MRC2: variants seen among roughly 807,000 people sequenced by gnomAD.
The protein encoded by MRC2 is C-type mannose receptor 2.
In MRC2, 84 loss-of-function variants were observed where a neutral mutation model predicts 206.2. The observed-to-expected ratio is 0.41, with a 90% CI of 0.34 to 0.49. MRC2 has a LOEUF of 0.49. Among genes scored for constraint, MRC2 ranks in the 20% least tolerant of loss-of-function variants. MRC2 has a pLI of 0.31. For synonymous variants in MRC2, 798 were observed against 800.0 expected, an observed-to-expected ratio of 1.00 and a Z score of 0.04; for missense variants, 1,676 against 2,001.5, an observed-to-expected ratio of 0.84 and a Z score of 3.10.
At chr17:62,686,180 G>A (rs576721969) in intron 20 of MRC2, among the ~76,000 whole-genome samples, 208 of 152,248 alleles carry the variant, frequency 1.4e-3, no homozygotes, top group African/African-American at 4.8e-3. Flanking sequence ...TTGGCTGGGC[G>A]CGGTGGCTCA....
At position 62,680,085 on chromosome 17, in the gene MRC2, A is replaced by G; in HGVS notation, c.2299-85A>G. 6.3e-7 allele frequency: 1 copy of G among 1,586,124 alleles called. No homozygotes were observed. Among genetic ancestry groups the G allele is most frequent in the Non-Finnish European group, 8.6e-7 (1 of 1,162,580 alleles). On this transcript the variant is annotated intron_variant, in intron 14 of 29. Transcript: ENST00000303375. The surrounding 1 kb of genome is among the most constrained non-coding windows in gnomAD (Gnocchi z 4.8). ...CCGGTGAGAATTCGCAGCTCAGGCC[A>G]GGCCTCTTGTTCACCTGTTCCGGGC...
At chr17:62,677,117 C>A in intron 11 of MRC2, 152 bp from the exon 12 acceptor site, 1 of 637,376 alleles carries the variant, frequency 1.6e-6, no homozygotes, top group Non-Finnish European at 2.7e-6. Flanking sequence ...TCCCTTCCTC[C>A]CTCCTGGCTC....
intron 1 of MRC2, among the ~76,000 whole-genome samples, chr17:62,646,023 ATTT>A (rs34679697): frequency 2.8e-5 from 3 of 106,386 alleles, no homozygotes; most frequent in African/African-American, 3.6e-5. Flanking sequence ...GTCCTTTTCT[ATTT>A]TTTTTTTTTT....
chr17:62,639,673 G>A (rs1260389224), intron 1 of MRC2, among the ~76,000 whole-genome samples: 1 of 152,204 alleles, frequency 6.6e-6, no homozygotes, highest in African/African-American at 2.4e-5. Context: ...TGCCCGGGCT[G>A]GAGTGCAGTG....
At chr17:62,679,570 G>A in intron 13 of MRC2, 1 of 383,382 alleles carries the variant, frequency 2.6e-6, no homozygotes, top group Admixed American at 4.2e-5. Context: ...AGGGGCCACT[G>A]CCCCTTGAGT....
At chr17:62,647,854 T>A (rs1160083706) in intron 1 of MRC2, among the ~76,000 whole-genome samples, 1 of 152,146 alleles carries the variant, frequency 6.6e-6, no homozygotes, top group Non-Finnish European at 1.5e-5. Context: ...TGAGGTGAGA[T>A]CTTCCCATCC....
Position 62,675,360 on chromosome 17 carries a change from G to A in MRC2, c.1570-430G>A, listed in dbSNP as rs893463114. On this transcript the variant is annotated intron_variant, in intron 9 of 29. Transcript: ENST00000303375. The surrounding 1 kb of genome is among the most constrained non-coding windows in gnomAD (Gnocchi z 4.1). ...CCCCGGGCCAGGAGCATCCTGCGCC[G>A]ACTCCAGCTTTGCCAGGCCCTCGAG... Among the ~76,000 whole-genome samples the A allele has an allele frequency of 9.2e-5, 14 of 152,286 alleles. No individual in the cohort carries two copies. The highest frequency in any genetic ancestry group is 3.9e-4 in the Admixed American group (6 of 15,302).
At position 62,679,841 on chromosome 17, in the gene MRC2, TC is replaced by T; in HGVS notation, c.2238del (p.Ile746MetfsTer3). On this transcript the variant is annotated frameshift_variant, in exon 14 of 30. Coordinates refer to ENST00000303375, the MANE Select transcript of MRC2 (RefSeq NM_006039.5). LOFTEE classifies it high-confidence loss of function. ...ATCCACGAGCAGCACTGGTTCTGGA[TC>T]GGCCTGAACCGTCGGGATCCCAGAG... ...PEIHEQHWFW[I>X]GLNRRDPRGG... 6.2e-7 allele frequency: 1 copy of T among 1,613,944 alleles called. No homozygotes were observed. Among genetic ancestry groups the T allele is most frequent in the Non-Finnish European group, 8.5e-7 (1 of 1,180,004 alleles).
intron 1 of MRC2, among the ~76,000 whole-genome samples, chr17:62,628,667 C>T (rs2084190676): frequency 6.6e-6 from 1 of 152,166 alleles, no homozygotes; most frequent in Non-Finnish European, 1.5e-5. Flanking sequence ...TAAAACCCAA[C>T]GAACAGGAAA....
chr17:62,644,781 G>T (rs137943465), intron 1 of MRC2, among the ~76,000 whole-genome samples: 2 of 152,224 alleles, frequency 1.3e-5, no homozygotes, highest in East Asian at 3.9e-4. Flanking sequence ...TGAGGGCATA[G>T]GATTCCTCCA....
chr17:62,680,587 C>A lies in MRC2; in HGVS notation c.2473+134C>A. The A allele has an allele frequency of 2.9e-6, 4 of 1,371,668 alleles. No individual in the cohort carries two copies. Among genetic ancestry groups the A allele is most frequent in the South Asian group, 1.3e-5 (1 of 76,602 alleles). The allele number at this position is 1,371,668 out of a possible 1,614,324, so 85.0% of individuals were successfully genotyped here. ...CGAGAGAAGGGGGACGGGGTTGGCT[C>A]GGACGGAGGCAGCCACAGCCCTGTT... On this transcript the variant is annotated intron_variant, in intron 16 of 29. Coordinates refer to ENST00000303375, the MANE Select transcript of MRC2 (RefSeq NM_006039.5). This position sits in a 1 kb window ranked among gnomAD's most constrained non-coding sequence, Gnocchi z 4.8.
At chr17:62,638,036 T>C (rs2088347273) in intron 1 of MRC2, among the ~76,000 whole-genome samples, 1 of 152,148 alleles carries the variant, frequency 6.6e-6, no homozygotes, top group Admixed American at 6.6e-5. Flanking sequence ...TTGTTGCTCC[T>C]ATTTTTAGTA....
rs2088886841 is a variant in MRC2 at position 62,675,935 on chromosome 17, C to T, written c.1685+30C>T. On this transcript the variant is annotated intron_variant, in intron 10 of 29. Coordinates refer to ENST00000303375, the MANE Select transcript of MRC2 (RefSeq NM_006039.5). The surrounding 1 kb of genome is among the most constrained non-coding windows in gnomAD (Gnocchi z 4.1). ...AGCAGGGGCGGGTGCCCTGACTAGCCCTTGCCCATGTCTGGGCCTATTGTG... is the reference window on the plus strand; with the variant it reads ...AGCAGGGGCGGGTGCCCTGACTAGCTCTTGCCCATGTCTGGGCCTATTGTG... 2 of 1,582,408 alleles carry T rather than the reference C, an allele frequency of 1.3e-6. No individual in the cohort carries two copies. Among genetic ancestry groups the T allele is most frequent in the African/African-American group, 2.7e-5 (2 of 74,290 alleles).
rs776841690 is a variant in MRC2 at position 62,692,343 on chromosome 17, C to T, written c.4332C>T (p.Arg1444=). The change falls in exon 30 of 30, where the codon CGC becomes CGT. Residue 1444 remains arginine, a synonymous_variant. Transcript: ENST00000303375. The surrounding 1 kb of genome is among the most constrained non-coding windows in gnomAD (Gnocchi z 4.2). ...ILYRRRQSIE[R]GAFEGARYSR... is the part of the protein sequence containing the mutation. The stretch of plus-strand genomic sequence containing the variant: ...ACCGGAGGCGCCAGAGCATCGAGCG[C>T]GGGGCCTTTGAGGGTGCCCGCTACA... The T allele has an allele frequency of 1.2e-5, 19 of 1,575,656 alleles. No individual in the cohort carries two copies. Among genetic ancestry groups the T allele is most frequent in the Admixed American group, 7.5e-5 (4 of 53,388 alleles).
chr17:62,690,274 C>A lies in MRC2; in HGVS notation c.3861C>A (p.Gly1287=). The change falls in exon 26 of 30, where the codon GGC becomes GGA. Residue 1287 remains glycine (G), a synonymous_variant. Transcript: ENST00000303375. ...CYSFHMELLL[G]HKEARQRCQR... Reference sequence around the variant, plus strand: ...CTTTCCACATGGAGCTGCTGCTGGGCCACAAGGAGGCGCGACAGCGCTGCC... The same window carrying A: ...CTTTCCACATGGAGCTGCTGCTGGGACACAAGGAGGCGCGACAGCGCTGCC... The A allele has an allele frequency of 4.3e-6, 7 of 1,612,598 alleles. No individual in the cohort carries two copies. The highest frequency in any genetic ancestry group is 5.9e-6 in the Non-Finnish European group (7 of 1,179,198).
chr17:62,688,658 C>A lies in MRC2; in HGVS notation c.3219C>A (p.Asn1073Lys). Reference sequence around the variant, plus strand: ...GCCCTAGCCCTGCTCCCAGTGGCAACAAACCGGTGAGGATGCCCTCCCTGT... The same window carrying A: ...GCCCTAGCCCTGCTCCCAGTGGCAAAAAACCGGTGAGGATGCCCTCCCTGT... Reference protein sequence around the residue: ...PSGPSPAPSGNKPTSCAVVLH... With the variant: ...PSGPSPAPSGKKPTSCAVVLH... Residue 1073 changes from asparagine to lysine, a missense_variant, in exon 22 of 30, where the codon AAC becomes AAA. Physicochemically the swap from Asn to Lys is moderately conservative, Grantham distance 94 (BLOSUM62 0). Around this residue, in one of 3 missense-constraint regions of MRC2, gnomAD observed 1,354 missense variants for 1,636.6 expected, o/e 0.83. Transcript: ENST00000303375. The A allele has an allele frequency of 1.2e-6, 2 of 1,613,684 alleles. No homozygotes were observed. The highest frequency in any genetic ancestry group is 1.7e-6 in the Non-Finnish European group (2 of 1,179,906).
Position 62,692,502 on chromosome 17 carries a change from C to T in MRC2, c.*51C>T. 1.3e-6 allele frequency: 2 copies of T among 1,512,916 alleles called. No homozygotes were observed. Among genetic ancestry groups the T allele is most frequent in the South Asian group, 1.2e-5 (1 of 81,380 alleles). 93.7% of individuals were successfully genotyped at this position (1,512,916 alleles called of 1,614,324 possible). The stretch of plus-strand genomic sequence containing the variant: ...GCGGGAGGAGCTGGGGAGCTGGGGC[C>T]CTGGGTCAGTCTGGCCCCCCACCAG... On this transcript the variant is annotated 3_prime_UTR_variant, in exon 30 of 30. Coordinates refer to ENST00000303375, the MANE Select transcript of MRC2 (RefSeq NM_006039.5). This position sits in a 1 kb window ranked among gnomAD's most constrained non-coding sequence, Gnocchi z 4.2.
rs1598975101 is a variant in MRC2 at position 62,652,839 on chromosome 17, G to T, written c.119-11709G>T. Among the ~76,000 whole-genome samples the T allele has an allele frequency of 6.8e-6, 1 of 147,144 alleles. No individual in the cohort carries two copies. Among genetic ancestry groups the T allele is most frequent in the Non-Finnish European group, 1.5e-5 (1 of 66,440 alleles). ...GGCACACGGTGGCGGGGGGAGGGGCGTGCCGCAGATTGAGGGCGAACGGTG... is the reference window on the plus strand; with the variant it reads ...GGCACACGGTGGCGGGGGGAGGGGCTTGCCGCAGATTGAGGGCGAACGGTG... On this transcript the variant is annotated intron_variant, in intron 1 of 29. Transcript: ENST00000303375. The surrounding 1 kb of genome is among the most constrained non-coding windows in gnomAD (Gnocchi z 4.6).
At chr17:62,688,744 C>T (rs1454163542) in intron 22 of MRC2, 80 bp downstream of exon 22, 3 of 1,591,414 alleles carry the variant, frequency 1.9e-6, no homozygotes, top group Admixed American at 1.7e-5. Context: ...CATCTCTTGC[C>T]CCAGGGTCTC....
Sources: gnomAD v4.1 joint callset for allele counts (sites outside exome capture counted in the v4.1 genomes callset) on GRCh38, gnomAD v4.1.1 for gene constraint, gnomAD v4.1.1 regional missense constraint, Gnocchi (gnomAD v3.1) non-coding constraint, MANE v1.5 for transcripts, NCBI Gene and HGNC (gene_info 2026-07-23, HGNC 2026-07-21) for gene names.